The following SNTG1 variants were observed in gnomAD, a reference collection of about 807,000 sequenced individuals.
SNTG1 encodes the protein gamma-1-syntrophin.
In SNTG1, 39 loss-of-function variants were observed where a neutral mutation model predicts 74.7. That is an observed-to-expected ratio of 0.52 (90% CI 0.40 to 0.68). The LOEUF is 0.68. Ranked by LOEUF, SNTG1 falls within the 30% of genes least tolerant of loss-of-function variation. SNTG1 has a pLI of 0.00. For synonymous variants in SNTG1, 254 were observed against 217.1 expected, an observed-to-expected ratio of 1.17 and a Z score of -1.49; for missense variants, 685 against 609.5, an observed-to-expected ratio of 1.12 and a Z score of -1.30.
intron 1 of SNTG1, among the ~76,000 whole-genome samples, chr8:50,040,124 A>G (rs1447929391): frequency 6.6e-6 from 1 of 152,124 alleles, no homozygotes; most frequent in Non-Finnish European, 1.5e-5. Flanking sequence ...GGAGTTTAGA[A>G]CACCACTGAC....
At chr8:50,186,732 T>C (rs141976232) in intron 2 of SNTG1, among the ~76,000 whole-genome samples, 1 of 152,236 alleles carries the variant, frequency 6.6e-6, no homozygotes, top group Non-Finnish European at 1.5e-5. Context: ...TGTTTTGTTT[T>C]TGTTTTGTTT....
rs554113179 is a variant in SNTG1 at position 50,407,324 on chromosome 8, C to T, written c.162+4980C>T. 4.2e-4 allele frequency among the ~76,000 whole-genome samples: 64 copies of T among 152,182 alleles called. 1 individual carries two copies. In the South Asian group the frequency reaches 0.013, roughly 31 times the overall value. On this transcript the variant is annotated intron_variant, in intron 4 of 18. Transcript: ENST00000642720. The stretch of plus-strand genomic sequence containing the variant: ...AAAGGCAGATGTTAGTCTGAAGAAC[C>T]ATAGGCAAGGATGCTATTTTGTTAT...
chr8:50,301,358 T>C (rs1229175847), intron 2 of SNTG1, among the ~76,000 whole-genome samples: 2 of 152,088 alleles, frequency 1.3e-5, no homozygotes, highest in South Asian at 2.1e-4. Flanking sequence ...TATAACCCTA[T>C]AGCAAAAAAT....
chr8:50,403,275 A>G (rs1379707478), intron 4 of SNTG1, among the ~76,000 whole-genome samples: 1 of 152,226 alleles, frequency 6.6e-6, no homozygotes, highest in Admixed American at 6.5e-5. Context: ...TTGAGCTCTC[A>G]CATCACTTCT....
intron 2 of SNTG1, among the ~76,000 whole-genome samples, chr8:50,356,471 C>A (rs2131038076): frequency 6.6e-6 from 1 of 152,234 alleles, no homozygotes; most frequent in African/African-American, 2.4e-5. Flanking sequence ...TCCATTTGTG[C>A]TGCTATAACA....
At chr8:50,291,988 G>GGTGTGTGT (rs148005020) in intron 2 of SNTG1, among the ~76,000 whole-genome samples, 1 of 150,082 alleles carries the variant, frequency 6.7e-6, no homozygotes, top group South Asian at 2.1e-4. Context: ...AATGAGGAAA[G>GGTGTGTGT]GTGTGTGTGT....
At chr8:49,940,359 C>T (rs1307228096) in intron 1 of SNTG1, among the ~76,000 whole-genome samples, 1 of 152,032 alleles carries the variant, frequency 6.6e-6, no homozygotes, top group African/African-American at 2.4e-5. Flanking sequence ...GGTTGGTTAG[C>T]TTAGCGAAAA....
intron 8 of SNTG1, among the ~76,000 whole-genome samples, chr8:50,485,810 C>T (rs1419345042): frequency 2.7e-5 from 4 of 150,008 alleles, no homozygotes; most frequent in African/African-American, 4.9e-5. Flanking sequence ...TTAGGTCTAA[C>T]GTTTAAGTCT....
At chr8:50,688,037 G>T (rs2131424086) in intron 15 of SNTG1, among the ~76,000 whole-genome samples, 1 of 151,768 alleles carries the variant, frequency 6.6e-6, no homozygotes, top group Non-Finnish European at 1.5e-5. Flanking sequence ...TGCGTTTTTT[G>T]GCTGCATAAA....
chr8:50,508,987 T>G (rs1283613255), intron 9 of SNTG1, among the ~76,000 whole-genome samples: 1 of 152,214 alleles, frequency 6.6e-6, no homozygotes, highest in Non-Finnish European at 1.5e-5. Flanking sequence ...AGACATGAAG[T>G]CCTTGCCCAT....
At chr8:50,442,876 G>C (rs1278380543) in intron 5 of SNTG1, among the ~76,000 whole-genome samples, 1 of 152,098 alleles carries the variant, frequency 6.6e-6, no homozygotes, top group African/African-American at 2.4e-5. Context: ...CAGCAGGCTA[G>C]TGGCATCCTG....
chr8:50,285,342 T>A (rs903968562), intron 2 of SNTG1, among the ~76,000 whole-genome samples: 11 of 152,148 alleles, frequency 7.2e-5, no homozygotes, highest in Non-Finnish European at 8.8e-5. Flanking sequence ...CTAGGACCAA[T>A]CAGCAAGTAT....
intron 2 of SNTG1, among the ~76,000 whole-genome samples, chr8:50,360,492 A>G (rs1466954360): frequency 6.6e-6 from 1 of 152,114 alleles, no homozygotes; most frequent in Non-Finnish European, 1.5e-5. Context: ...TTTAAATACA[A>G]CCATGCATCA....
intron 18 of SNTG1, among the ~76,000 whole-genome samples, chr8:50,763,651 TGTGTG>T: frequency 4.0e-5 from 2 of 49,624 alleles, no homozygotes; most frequent in Admixed American, 1.7e-4. Flanking sequence ...GCCTTTATTG[TGTGTG>T]TGTGTGTGTG....
chr8:50,531,520 C>G (rs1404449638), intron 10 of SNTG1, among the ~76,000 whole-genome samples: 1 of 152,132 alleles, frequency 6.6e-6, no homozygotes, highest in Non-Finnish European at 1.5e-5. Context: ...CCTCCCGATC[C>G]AGATGCCTTC....
At chr8:50,706,305 A>T (rs1205610305) in intron 16 of SNTG1, among the ~76,000 whole-genome samples, 1 of 152,176 alleles carries the variant, frequency 6.6e-6, no homozygotes, top group Non-Finnish European at 1.5e-5. Context: ...TATATTAAAT[A>T]TGATTTTATT....
intron 1 of SNTG1, among the ~76,000 whole-genome samples, chr8:50,053,295 T>C (rs1294354434): frequency 1.3e-5 from 2 of 152,016 alleles, no homozygotes; most frequent in African/African-American, 4.8e-5. Context: ...TGAAACCTCA[T>C]TGAAAACATG....
At chr8:50,158,301 T>G (rs1046522017) in intron 1 of SNTG1, among the ~76,000 whole-genome samples, 2 of 152,142 alleles carry the variant, frequency 1.3e-5, no homozygotes, top group African/African-American at 4.8e-5. Context: ...TGTAGTCTTA[T>G]TTTTAGCCTG....
chr8:50,783,646 T>A (rs893983114), intron 18 of SNTG1, among the ~76,000 whole-genome samples: 1 of 152,230 alleles, frequency 6.6e-6, no homozygotes, highest in East Asian at 1.9e-4. Context: ...CCCCTTGCAC[T>A]TCCCGAGTGA....
Sources: gnomAD v4.1 joint callset for allele counts (sites outside exome capture counted in the v4.1 genomes callset) on GRCh38, gnomAD v4.1.1 for gene constraint, MANE v1.5 for transcripts, NCBI Gene and HGNC (gene_info 2026-07-23, HGNC 2026-07-21) for gene names.